The following WWOX variants were observed in gnomAD, a reference collection of about 807,000 sequenced individuals.
WWOX encodes WW domain containing oxidoreductase.
WWOX carries 69 observed loss-of-function variants against 46.2 expected under a neutral mutation model. The ratio of observed to expected loss-of-function variants is 1.49; its 90% CI spans 1.23 to 1.82. The LOEUF is 1.82. WWOX is among the 40% of genes most tolerant of loss of function. The pLI is 0.00. For synonymous variants in WWOX, 359 were observed against 202.6 expected (o/e 1.77, Z -6.56); for missense variants, 919 against 542.6 (o/e 1.69, Z -6.89).
At chr16:78,884,800 T>C (rs2044419087) in intron 8 of WWOX, among the ~76,000 whole-genome samples, 1 of 152,242 alleles carries the variant, frequency 6.6e-6, no homozygotes, top group African/African-American at 2.4e-5. Flanking sequence ...TTTTTTTGCA[T>C]GTATATTTTA....
chr16:79,045,761 T>A, intron 8 of WWOX, among the ~76,000 whole-genome samples: 1 of 147,374 alleles, frequency 6.8e-6, no homozygotes, highest in Non-Finnish European at 1.5e-5. Flanking sequence ...CTGGAGCTCG[T>A]CTTTCCTTTT....
At chr16:78,931,268 C>G (rs1365900030) in intron 8 of WWOX, among the ~76,000 whole-genome samples, 1 of 152,124 alleles carries the variant, frequency 6.6e-6, no homozygotes, top group East Asian at 1.9e-4. Flanking sequence ...CGCAGGTCAG[C>G]ATGCTCTAGG....
At chr16:79,160,605 C>T (rs1567589776) in intron 8 of WWOX, among the ~76,000 whole-genome samples, 1 of 152,112 alleles carries the variant, frequency 6.6e-6, no homozygotes, top group Non-Finnish European at 1.5e-5. Context: ...TATTTTATTT[C>T]ATTTATTCTT....
chr16:79,174,457 T>G (rs1036467388), intron 8 of WWOX, among the ~76,000 whole-genome samples: 1 of 152,166 alleles, frequency 6.6e-6, no homozygotes, highest in Non-Finnish European at 1.5e-5. Context: ...GAGATTAGCT[T>G]GACCAACATA....
chr16:78,480,279 T>C (rs1028803789), intron 8 of WWOX, among the ~76,000 whole-genome samples: 3 of 152,242 alleles, frequency 2.0e-5, no homozygotes, highest in East Asian at 3.9e-4. Flanking sequence ...AGTAGAATGC[T>C]CTTTTGGATA....
chr16:78,546,015 A>G (rs2151534737), intron 8 of WWOX, among the ~76,000 whole-genome samples: 1 of 152,258 alleles, frequency 6.6e-6, no homozygotes, highest in Non-Finnish European at 1.5e-5. Flanking sequence ...TTTGAGGGGG[A>G]CGCAGTTTAG....
At chr16:78,492,721 T>G (rs1463079713) in intron 8 of WWOX, among the ~76,000 whole-genome samples, 1 of 152,240 alleles carries the variant, frequency 6.6e-6, no homozygotes, top group Non-Finnish European at 1.5e-5. Context: ...ACTTTCAAAG[T>G]TATGATTCAG....
At chr16:78,648,747 A>C (rs1190367796) in intron 8 of WWOX, among the ~76,000 whole-genome samples, 1 of 152,112 alleles carries the variant, frequency 6.6e-6, no homozygotes, top group African/African-American at 2.4e-5. Flanking sequence ...TTTTTTGTTT[A>C]ACCATAAAGC....
chr16:79,025,754 A>T (rs1011147739), intron 8 of WWOX, among the ~76,000 whole-genome samples: 1 of 146,384 alleles, frequency 6.8e-6, no homozygotes, highest in Non-Finnish European at 1.5e-5. Context: ...TAATCCTTTC[A>T]TCCTTCATCT....
intron 5 of WWOX, among the ~76,000 whole-genome samples, chr16:78,217,077 G>A (rs767178083): frequency 6.6e-6 from 1 of 152,198 alleles, no homozygotes; most frequent in Non-Finnish European, 1.5e-5. Context: ...CCGGTAACCT[G>A]AATTCTCCTT....
chr16:78,379,726 A>T lies in WWOX; in HGVS notation c.517-7134A>T, dbSNP rs1415347606. ...ATGGGATAGGAGAGCGAACTCACTGATACCCTCCCAGCTAATTCCTAGGCA... is the reference window on the plus strand; with the variant it reads ...ATGGGATAGGAGAGCGAACTCACTGTTACCCTCCCAGCTAATTCCTAGGCA... On this transcript the variant is annotated intron_variant, in intron 5 of 8. Transcript: ENST00000566780. Among the ~76,000 whole-genome samples, 13 of 152,168 alleles carry T rather than the reference A, an allele frequency of 8.5e-5. 1 individual carries two copies. Among genetic ancestry groups the T allele is most frequent in the Non-Finnish European group, 1.5e-5 (1 of 68,042 alleles).
chr16:78,133,435 A>G (rs59284262), intron 4 of WWOX, among the ~76,000 whole-genome samples: 6,609 of 152,148 alleles, frequency 0.043, 531 homozygotes, highest in African/African-American at 0.15. Context: ...TAATTTTTGT[A>G]TTTTTATTAG....
rs975021051 is a variant in WWOX, at chr16:78,348,400, T to G, written c.517-38460T>G. ...GAAGGGGGATAGGTTGTTGATAATA[T>G]GGAATAGGAGAAAAAAGATCATAGA... On this transcript the variant is annotated intron_variant, in intron 5 of 8. Coordinates refer to ENST00000566780, the MANE Select transcript of WWOX (RefSeq NM_016373.4). 7.4e-5 allele frequency among the ~76,000 whole-genome samples: 9 copies of G among 121,120 alleles called. 1 individual carries two copies. Among genetic ancestry groups the G allele is most frequent in the Non-Finnish European group, 1.4e-4 (7 of 50,602 alleles). 79.5% of individuals were successfully genotyped at this position (121,120 alleles called of 152,430 possible).
chr16:79,026,659 C>T (rs1291061141), intron 8 of WWOX, among the ~76,000 whole-genome samples: 1 of 143,836 alleles, frequency 7.0e-6, no homozygotes, highest in Admixed American at 7.2e-5. Flanking sequence ...CCTCTGTCGC[C>T]TAGGCTGCAG....
chr16:79,044,185 AG>A, intron 8 of WWOX, among the ~76,000 whole-genome samples: 1 of 152,352 alleles, frequency 6.6e-6, no homozygotes, highest in South Asian at 2.1e-4. Flanking sequence ...AGGAGTCTTC[AG>A]GCCCACAGTG....
chr16:79,050,816 C>T (rs1045897160), intron 8 of WWOX, among the ~76,000 whole-genome samples: 3 of 152,200 alleles, frequency 2.0e-5, no homozygotes, highest in Non-Finnish European at 2.9e-5. Flanking sequence ...CTTCTGCCGC[C>T]TTTAGGAAAC....
Position 79,183,468 on chromosome 16 carries a change from C to G in WWOX, c.1057-28140C>G, listed in dbSNP as rs905010289. Reference sequence around the variant, plus strand: ...GCTTAGGCTCAAAGAGATTAAATGTCTTATTTCTGCTTTTGGAAGATACAC... The same window carrying G: ...GCTTAGGCTCAAAGAGATTAAATGTGTTATTTCTGCTTTTGGAAGATACAC... On this transcript the variant is annotated intron_variant, in intron 8 of 8. Coordinates refer to ENST00000566780, the MANE Select transcript of WWOX (RefSeq NM_016373.4). 4.6e-5 allele frequency among the ~76,000 whole-genome samples: 7 copies of G among 152,158 alleles called. No individual in the cohort carries two copies. In the South Asian group the frequency reaches 1.4e-3, roughly 31 times the overall value.
intron 8 of WWOX, among the ~76,000 whole-genome samples, chr16:79,177,792 C>A (rs1465345443): frequency 1.3e-5 from 2 of 152,182 alleles, no homozygotes; most frequent in Admixed American, 6.5e-5. Context: ...GCTTTGTGGA[C>A]CATAGGGCCT....
chr16:79,073,989 C>G (rs1004362796), intron 8 of WWOX, among the ~76,000 whole-genome samples: 1 of 134,256 alleles, frequency 7.4e-6, no homozygotes, highest in East Asian at 2.1e-4. Flanking sequence ...AGTTATTTGC[C>G]AAAGGTCTGA....
Sources: allele counts gnomAD v4.1 joint callset (sites outside exome capture counted in the v4.1 genomes callset), GRCh38; gene constraint gnomAD v4.1.1; transcripts MANE v1.5; gene names NCBI Gene and HGNC (gene_info 2026-07-23, HGNC 2026-07-21).